Variants in FRMD6 observed in about 807,000 individuals in gnomAD.
FRMD6 encodes the protein FERM domain containing 6.
In FRMD6, 37 loss-of-function variants were observed where a neutral mutation model predicts 73.2. The ratio of observed to expected loss-of-function variants is 0.51; its 90% CI spans 0.39 to 0.66. The LOEUF (loss-of-function observed/expected upper bound fraction) is 0.66, where lower values mean the gene tolerates loss of function less well. Ranked by LOEUF, FRMD6 falls within the 30% of genes least tolerant of loss-of-function variation. The pLI, the probability that FRMD6 is intolerant of heterozygous loss-of-function variation, is 0.00. For missense variants in FRMD6, 714 were observed against 780.5 expected, an observed-to-expected ratio of 0.91 and a Z score of 1.02; for synonymous variants, 273 against 282.2, an observed-to-expected ratio of 0.97 and a Z score of 0.33.
chr14:51,431,804 A>G, the FRMD6 span, among the ~76,000 whole-genome samples: 2 of 152,206 alleles, frequency 1.3e-5, no homozygotes, highest in African/African-American at 2.4e-5. Flanking sequence ...CCATGTAACT[A>G]ACAAATAGAG....
chr14:51,683,380 A>G (rs1594726148), intron 1 of FRMD6, among the ~76,000 whole-genome samples: 2 of 152,094 alleles, frequency 1.3e-5, no homozygotes, highest in East Asian at 1.9e-4. Context: ...CCTGGGCTCA[A>G]GTGATCCTCC....
At chr14:51,660,952 A>G (rs1475174451) in intron 1 of FRMD6, among the ~76,000 whole-genome samples, 1 of 152,212 alleles carries the variant, frequency 6.6e-6, no homozygotes, top group African/African-American at 2.4e-5. Flanking sequence ...GGAGAAGGCC[A>G]CAGTGGTGGA....
chr14:51,440,867 C>T, the FRMD6 span, among the ~76,000 whole-genome samples: 1 of 152,178 alleles, frequency 6.6e-6, no homozygotes, highest in Non-Finnish European at 1.5e-5. Context: ...CAGAGTAGGA[C>T]ATTAAGGCTA....
chr14:51,481,408 G>A, the FRMD6 span, among the ~76,000 whole-genome samples: 17 of 152,116 alleles, frequency 1.1e-4, no homozygotes, highest in African/African-American at 4.1e-4. Flanking sequence ...ATCAACTCTC[G>A]TGAGACTTAT....
chr14:51,422,734 T>C, the FRMD6 span, among the ~76,000 whole-genome samples: 1 of 152,230 alleles, frequency 6.6e-6, no homozygotes. Context: ...TTCAATCCAT[T>C]TGCATTCCCG....
the FRMD6 span, among the ~76,000 whole-genome samples, chr14:51,476,325 A>G: frequency 0.011 from 1,614 of 152,340 alleles, 24 homozygotes; most frequent in African/African-American, 0.036. Context: ...TGTCTAAAAC[A>G]GGACCGTAGA....
Position 51,695,170 on chromosome 14 carries a change from G to A in FRMD6, c.100-2972G>A, listed in dbSNP as rs147427540. On this transcript the variant is annotated intron_variant, in intron 2 of 13. Coordinates refer to ENST00000344768, the MANE Select transcript of FRMD6 (RefSeq NM_001267046.2). ...TTATCTTGGCTGCCTTGTACCCAACGTTTTTAAATACAGTCAAACTAAGGA... is the reference window on the plus strand; with the variant it reads ...TTATCTTGGCTGCCTTGTACCCAACATTTTTAAATACAGTCAAACTAAGGA... 1.3e-3 allele frequency among the ~76,000 whole-genome samples: 198 copies of A among 152,184 alleles called. 6 individuals are homozygous for A. The East Asian group carries it at 0.014, about 11-fold the overall frequency.
At chr14:51,668,278 T>C (rs1206498283) in intron 1 of FRMD6, among the ~76,000 whole-genome samples, 1 of 152,174 alleles carries the variant, frequency 6.6e-6, no homozygotes, top group African/African-American at 2.4e-5. Flanking sequence ...AAGGGTAAGA[T>C]ACTAAGGACG....
intron 1 of FRMD6, among the ~76,000 whole-genome samples, chr14:51,525,073 A>AGAT (rs1566792778): frequency 2.4e-5 from 2 of 83,636 alleles, no homozygotes; most frequent in East Asian, 3.2e-4. Context: ...CAAATAGAAT[A>AGAT]GATAGATAGA....
chr14:51,670,376 A>C (rs1893915667), intron 1 of FRMD6, among the ~76,000 whole-genome samples: 1 of 152,176 alleles, frequency 6.6e-6, no homozygotes, highest in South Asian at 2.1e-4. Flanking sequence ...GGCCTGAAAT[A>C]ATTTTAGACT....
At chr14:51,725,331 C>T (rs1166815086) in intron 12 of FRMD6, among the ~76,000 whole-genome samples, 4 of 152,120 alleles carry the variant, frequency 2.6e-5, no homozygotes, top group African/African-American at 7.2e-5. Context: ...GCCAGAGCCC[C>T]CACAATTCAC....
intron 1 of FRMD6, among the ~76,000 whole-genome samples, chr14:51,677,741 A>G (rs547122307): frequency 3.3e-4 from 51 of 152,268 alleles, no homozygotes; most frequent in African/African-American, 1.2e-3. Flanking sequence ...CTTCAGGGGA[A>G]GTTAACACAC....
At chr14:51,404,426 T>C in the FRMD6 span, among the ~76,000 whole-genome samples, 1 of 152,146 alleles carries the variant, frequency 6.6e-6, no homozygotes. Context: ...CAAATTTCTG[T>C]TTTATGGGTT....
intron 2 of FRMD6, among the ~76,000 whole-genome samples, chr14:51,598,165 G>A (rs1246002076): frequency 6.6e-6 from 1 of 152,060 alleles, no homozygotes; most frequent in Non-Finnish European, 1.5e-5. Context: ...CTCCAGAGAG[G>A]AGAAAAAATT....
chr14:51,715,760 C>T (rs1897206348), intron 10 of FRMD6, among the ~76,000 whole-genome samples: 1 of 152,174 alleles, frequency 6.6e-6, no homozygotes, highest in African/African-American at 2.4e-5. Context: ...AAGGTTTTCC[C>T]ATGCCTGACT....
intron 9 of FRMD6, 109 bp from the exon 10 acceptor site, chr14:51,715,216 T>A: frequency 1.2e-6 from 1 of 832,376 alleles, no homozygotes; most frequent in Non-Finnish European, 1.8e-6. Context: ...TAAATGAAAC[T>A]TTATACATTT....
chr14:51,653,898 T>C (rs1318318588), intron 1 of FRMD6, among the ~76,000 whole-genome samples: 1 of 152,218 alleles, frequency 6.6e-6, no homozygotes, highest in Admixed American at 6.5e-5. Flanking sequence ...CCCCAGGGGA[T>C]ATCTAATATC....
intron 1 of FRMD6, among the ~76,000 whole-genome samples, chr14:51,664,548 A>C (rs1398009115): frequency 6.6e-6 from 1 of 152,280 alleles, no homozygotes; most frequent in Non-Finnish European, 1.5e-5. Context: ...TGGTAGAATG[A>C]AAACTTTGTT....
chr14:51,698,127 C>A lies in FRMD6; in HGVS notation c.100-15C>A. The A allele has an allele frequency of 6.2e-7, 1 of 1,601,706 alleles. No homozygotes were observed. The highest frequency in any genetic ancestry group is 8.5e-7 in the Non-Finnish European group (1 of 1,170,488). ...GTTGAATTGTTATTTTACGTCGTGCCTTTTTCCCCTACAGGTTAAGATTCT... is the reference window on the plus strand; with the variant it reads ...GTTGAATTGTTATTTTACGTCGTGCATTTTTCCCCTACAGGTTAAGATTCT... On this transcript the variant is annotated splice_polypyrimidine_tract_variant and intron_variant, in intron 2 of 13. Coordinates refer to ENST00000344768, the MANE Select transcript of FRMD6 (RefSeq NM_001267046.2).
Sources: allele counts gnomAD v4.1 joint callset (sites outside exome capture counted in the v4.1 genomes callset), GRCh38; gene constraint gnomAD v4.1.1; transcripts MANE v1.5; gene names NCBI Gene and HGNC (gene_info 2026-07-23, HGNC 2026-07-21).